The following MAD1L1 variants were observed in gnomAD, a reference collection of about 807,000 sequenced individuals.
MAD1L1 encodes mitotic spindle assembly checkpoint protein MAD1.
MAD1L1 carries 95 observed loss-of-function variants against 96.9 expected under a neutral mutation model. The ratio of observed to expected loss-of-function variants is 0.98; its 90% CI spans 0.83 to 1.16. The LOEUF is 1.16. Among genes scored for constraint, MAD1L1 ranks in the 50% most tolerant of loss-of-function variants. The probability of loss-of-function intolerance (pLI) is 0.00; values close to 1 mark genes in which losing one functional copy is unlikely to be tolerated. For missense variants in MAD1L1, 1,007 were observed against 954.4 expected, an observed-to-expected ratio of 1.06 and a Z score of -0.73; for synonymous variants, 473 against 396.6, an observed-to-expected ratio of 1.19 and a Z score of -2.29.
rs557755688 is a variant in MAD1L1 at position 2,103,910 on chromosome 7, C to A, written c.1074-34572G>T. 2.0e-5 allele frequency among the ~76,000 whole-genome samples: 3 copies of A among 152,228 alleles called. No homozygotes were observed. The East Asian group carries it at 5.8e-4, about 29-fold the overall frequency. On this transcript the variant is annotated intron_variant, in intron 11 of 18. Transcript: ENST00000265854. The surrounding 1 kb of genome is among the most constrained non-coding windows in gnomAD (Gnocchi z 4.3). ...AGTTCTGATGCCACGCCATACAACA[C>A]TCCACCCCGCTGGACGTCGGAGAAA...
rs549007347 is a variant in MAD1L1 at position 2,096,600 on chromosome 7, C to T, written c.1074-27262G>A. On this transcript the variant is annotated intron_variant, in intron 11 of 18. Coordinates refer to ENST00000265854, the MANE Select transcript of MAD1L1 (RefSeq NM_001013836.2). ...CTCCAAGGGGCATCTGAATTGAAGACTTCGAGGACAGCTTCCCCCGCTACA... is the reference window on the plus strand; with the variant it reads ...CTCCAAGGGGCATCTGAATTGAAGATTTCGAGGACAGCTTCCCCCGCTACA... Among the ~76,000 whole-genome samples, 80 of 152,292 alleles carry T rather than the reference C, an allele frequency of 5.3e-4. 1 individual carries two copies. The highest frequency in any genetic ancestry group is 1.9e-3 in the African/African-American group (79 of 41,564).
chr7:1,965,612 G>A (rs931528158), intron 15 of MAD1L1, among the ~76,000 whole-genome samples: 6 of 152,234 alleles, frequency 3.9e-5, no homozygotes, highest in African/African-American at 1.4e-4. Flanking sequence ...CTCGGAGTAT[G>A]GACTCCCCGG....
At position 2,002,234 on chromosome 7, in the gene MAD1L1, C is replaced by T. The variant is rs1159295471; in HGVS notation, c.1360-113G>A. 2.9e-5 allele frequency: 32 copies of T among 1,092,424 alleles called. 1 individual carries two copies. Among genetic ancestry groups the T allele is most frequent in the African/African-American group, 6.1e-5 (4 of 65,186 alleles). 67.7% of individuals were successfully genotyped at this position (1,092,424 alleles called of 1,614,324 possible). On this transcript the variant is annotated intron_variant, in intron 13 of 18. Transcript: ENST00000265854. ...GCAGCCTCCACTCTCTGGGGAGCAA[C>T]GGGACCCAGGAGCTGGGAAGTGGGC... is the stretch of plus-strand genomic sequence containing the variant.
At chr7:1,992,170 G>C (rs1448820211) in intron 14 of MAD1L1, among the ~76,000 whole-genome samples, 1 of 146,636 alleles carries the variant, frequency 6.8e-6, no homozygotes, top group African/African-American at 2.5e-5. Context: ...GCCACTGCTG[G>C]CCTCATGAGC....
intron 11 of MAD1L1, chr7:2,080,073 G>A (rs887700992): frequency 3.0e-5 from 6 of 201,624 alleles, no homozygotes; most frequent in Admixed American, 1.6e-4. Context: ...AGCCCCAAGG[G>A]GCCACATGGC....
At chr7:2,079,218 CAGGTTCAGACTCGG>C (rs897163128) in intron 11 of MAD1L1, among the ~76,000 whole-genome samples, 2 of 152,190 alleles carry the variant, frequency 1.3e-5, no homozygotes, top group Non-Finnish European at 2.9e-5. Context: ...CCCTGGGGGG[CAGGTTCAGACTCGG>C]AAGGGGCTGG....
At chr7:1,999,259 C>T (rs1326726473) in intron 14 of MAD1L1, among the ~76,000 whole-genome samples, 3 of 152,160 alleles carry the variant, frequency 2.0e-5, no homozygotes, top group African/African-American at 7.2e-5. Context: ...AACAACCCCA[C>T]CCCCCAGTAT....
intron 12 of MAD1L1, among the ~76,000 whole-genome samples, chr7:2,053,688 G>C (rs898006057): frequency 3.4e-4 from 51 of 152,176 alleles, no homozygotes; most frequent in African/African-American, 1.2e-3. Flanking sequence ...ACAGGGTACA[G>C]GGCCAGGGAC....
At chr7:2,213,511 T>A (rs1025650797) in intron 9 of MAD1L1, among the ~76,000 whole-genome samples, 1 of 152,072 alleles carries the variant, frequency 6.6e-6, no homozygotes, top group African/African-American at 2.4e-5. Flanking sequence ...TAAATTCAAG[T>A]GTGAATCCCA....
At chr7:2,222,438 G>T in intron 5 of MAD1L1, 137 bp downstream of exon 5, 1 of 665,534 alleles carries the variant, frequency 1.5e-6, no homozygotes, top group Non-Finnish European at 2.3e-6. Flanking sequence ...TTCTACTGAT[G>T]ACAACTATGT....
At position 1,951,074 on chromosome 7, in the gene MAD1L1, G is replaced by A. The variant is rs542422599; in HGVS notation, c.1596+6555C>T. Among the ~76,000 whole-genome samples, 8 of 152,386 alleles carry A rather than the reference G, an allele frequency of 5.2e-5. No individual in the cohort carries two copies. In the South Asian group the frequency reaches 6.2e-4, roughly 12 times the overall value. ...CTTCCCAGACACGTGGGCTTCACCC[G>A]GGAGGCTGCTCCCCTGGCCTGCCGA... On this transcript the variant is annotated intron_variant, in intron 16 of 18. Transcript: ENST00000265854.
chr7:2,117,800 G>A (rs138146547), intron 11 of MAD1L1, among the ~76,000 whole-genome samples: 2,370 of 152,274 alleles, frequency 0.016, 30 homozygotes, highest in Non-Finnish European at 0.026. Flanking sequence ...ACAGGGGTAA[G>A]AGAAGAGAGA....
At chr7:2,087,391 T>G (rs1785972995) in intron 11 of MAD1L1, among the ~76,000 whole-genome samples, 2 of 151,928 alleles carry the variant, frequency 1.3e-5, no homozygotes, top group African/African-American at 4.8e-5. Context: ...AATACAAAAA[T>G]TAGCCAGGCC....
chr7:2,187,635 T>C lies in MAD1L1; in HGVS notation c.986+25577A>G, dbSNP rs146874710. The stretch of plus-strand genomic sequence containing the variant: ...AGGAGTACTGGGCCCAGTTAAAATA[T>C]TCACTTCATTAAATCTTAACCCCTT... On this transcript the variant is annotated intron_variant, in intron 10 of 18. Transcript: ENST00000265854. Among the ~76,000 whole-genome samples, 948 of 152,304 alleles carry C rather than the reference T, an allele frequency of 6.2e-3. 2 individuals carry two copies. Among genetic ancestry groups the C allele is most frequent in the Non-Finnish European group, 8.8e-3 (601 of 68,020 alleles).
At chr7:1,883,648 G>C (rs1358170804) in intron 18 of MAD1L1, among the ~76,000 whole-genome samples, 1 of 152,222 alleles carries the variant, frequency 6.6e-6, no homozygotes, top group Non-Finnish European at 1.5e-5. Context: ...GCCCTGTCCA[G>C]GGCGGCAAAG....
chr7:1,957,257 G>A (rs1483402249), intron 16 of MAD1L1, among the ~76,000 whole-genome samples: 3 of 152,258 alleles, frequency 2.0e-5, no homozygotes, highest in Non-Finnish European at 2.9e-5. Context: ...GAACCTGAGG[G>A]CTTCCTGCCA....
Position 1,900,025 on chromosome 7 carries a change from T to C in MAD1L1, c.1808-1635A>G, listed in dbSNP as rs114056479. Among the ~76,000 whole-genome samples the C allele has an allele frequency of 8.1e-3, 1,229 of 152,336 alleles. 15 individuals are homozygous for C. Among genetic ancestry groups the C allele is most frequent in the African/African-American group, 0.028 (1,150 of 41,574 alleles). ...TGCAACACGGACACAGGCAGGCAGC[T>C]GCCTTCAGAGGTGTTAGGCCAGATC... On this transcript the variant is annotated intron_variant, in intron 17 of 18. Coordinates refer to ENST00000265854, the MANE Select transcript of MAD1L1 (RefSeq NM_001013836.2).
At chr7:2,182,863 A>G (rs1450562272) in intron 10 of MAD1L1, among the ~76,000 whole-genome samples, 1 of 152,238 alleles carries the variant, frequency 6.6e-6, no homozygotes, top group Admixed American at 6.5e-5. Flanking sequence ...ATCTTCTGGA[A>G]TTAGACAGTA....
intron 10 of MAD1L1, among the ~76,000 whole-genome samples, chr7:2,165,821 G>C (rs1278715127): frequency 2.6e-5 from 4 of 152,140 alleles, no homozygotes; most frequent in African/African-American, 7.2e-5. Flanking sequence ...GGTGGGGCTT[G>C]GAGCAACATG....
Sources: allele counts gnomAD v4.1 joint callset (sites outside exome capture counted in the v4.1 genomes callset), GRCh38; gene constraint gnomAD v4.1.1; non-coding constraint Gnocchi (gnomAD v3.1); transcripts MANE v1.5; gene names NCBI Gene and HGNC (gene_info 2026-07-23, HGNC 2026-07-21).